The following PRKD1 variants were observed in gnomAD, a reference collection of about 807,000 sequenced individuals.
PRKD1 encodes protein kinase D1.
PRKD1 carries 63 observed loss-of-function variants against 95.9 expected under a neutral mutation model. That is an observed-to-expected ratio of 0.66 (90% CI 0.54 to 0.81). The LOEUF is 0.81. Ranked by LOEUF, PRKD1 falls within the 30% of genes least tolerant of loss-of-function variation. The probability of loss-of-function intolerance (pLI) is 0.00; values close to 1 mark genes in which losing one functional copy is unlikely to be tolerated. For synonymous variants in PRKD1, 425 were observed against 423.1 expected (o/e 1.00, Z -0.05); for missense variants, 1,048 against 1,165.3 (o/e 0.90, Z 1.47).
At chr14:29,832,071 C>G (rs774614619) in intron 1 of PRKD1, among the ~76,000 whole-genome samples, 2 of 152,262 alleles carry the variant, frequency 1.3e-5, no homozygotes, top group South Asian at 4.1e-4. Flanking sequence ...CACACATCTC[C>G]TTAGGCTTAT....
chr14:29,774,290 T>G (rs1431251601), intron 1 of PRKD1, among the ~76,000 whole-genome samples: 1 of 152,128 alleles, frequency 6.6e-6, no homozygotes, highest in Non-Finnish European at 1.5e-5. Flanking sequence ...AGAAATAATT[T>G]TATGGCTTTT....
chr14:29,838,628 T>C (rs1408203636), intron 1 of PRKD1, among the ~76,000 whole-genome samples: 2 of 152,208 alleles, frequency 1.3e-5, no homozygotes, highest in Non-Finnish European at 2.9e-5. Flanking sequence ...ATCCACATTA[T>C]TCACTGTAAA....
intron 2 of PRKD1, among the ~76,000 whole-genome samples, chr14:29,703,632 A>G (rs1884943862): frequency 6.6e-6 from 1 of 152,196 alleles, no homozygotes; most frequent in African/African-American, 2.4e-5. Context: ...ATGTAGGTAT[A>G]AAGGAAGATG....
In PRKD1 at chr14:29,606,760, A is replaced by G. The variant is rs140612031; in HGVS notation, c.1906-6943T>C. Among the ~76,000 whole-genome samples, 91 of 152,344 alleles carry G rather than the reference A, an allele frequency of 6.0e-4. No homozygotes were observed. In the Middle Eastern group the frequency reaches 0.02, roughly 34 times the overall value. On this transcript the variant is annotated intron_variant, in intron 13 of 17. Coordinates refer to ENST00000331968, the MANE Select transcript of PRKD1 (RefSeq NM_002742.3). ...ATAAAGAATTGAAAATGGGCTATTC[A>G]GATGATAATGACCACTGTACCTCTT...
At chr14:29,854,878 T>C (rs2098323667) in intron 1 of PRKD1, among the ~76,000 whole-genome samples, 1 of 152,214 alleles carries the variant, frequency 6.6e-6, no homozygotes, top group Admixed American at 6.5e-5. Context: ...GCTTGGGCCG[T>C]GGCTTCAGAG....
intron 1 of PRKD1, among the ~76,000 whole-genome samples, chr14:29,850,856 A>G (rs544659104): frequency 1.8e-4 from 27 of 152,096 alleles, no homozygotes; most frequent in African/African-American, 6.3e-4. Flanking sequence ...CAGTAACCAA[A>G]AAAAGCACAG....
At chr14:29,668,795 T>C (rs556481435) in intron 2 of PRKD1, among the ~76,000 whole-genome samples, 27 of 152,330 alleles carry the variant, frequency 1.8e-4, no homozygotes, top group African/African-American at 6.5e-4. Flanking sequence ...GCATAAACTC[T>C]TGCTGGCTAT....
intron 13 of PRKD1, among the ~76,000 whole-genome samples, chr14:29,617,747 T>C (rs1203717339): frequency 2.0e-5 from 3 of 152,150 alleles, no homozygotes; most frequent in South Asian, 4.1e-4. Flanking sequence ...AAATATATCA[T>C]ACTAGTGTTA....
intron 1 of PRKD1, among the ~76,000 whole-genome samples, chr14:29,908,468 G>C (rs183858986): frequency 6.6e-6 from 1 of 151,818 alleles, no homozygotes; most frequent in African/African-American, 2.4e-5. Context: ...TAATTTTTCC[G>C]TAGAGACGGG....
chr14:29,790,856 G>A (rs1410463722), intron 1 of PRKD1, among the ~76,000 whole-genome samples: 1 of 152,092 alleles, frequency 6.6e-6, no homozygotes, highest in Non-Finnish European at 1.5e-5. Flanking sequence ...TACTAATTAT[G>A]TAATTCATTA....
At chr14:29,603,458 T>A (rs888219370) in intron 13 of PRKD1, among the ~76,000 whole-genome samples, 7 of 152,188 alleles carry the variant, frequency 4.6e-5, no homozygotes, top group Admixed American at 3.9e-4. Context: ...TATACTGCAC[T>A]GATAAGAATA....
intron 2 of PRKD1, among the ~76,000 whole-genome samples, chr14:29,679,499 G>A (rs1883411597): frequency 6.6e-6 from 1 of 152,054 alleles, no homozygotes; most frequent in Admixed American, 6.6e-5. Context: ...AAAACAAAGT[G>A]GAATTCATAT....
At chr14:29,689,088 GCAA>G (rs1884072976) in intron 2 of PRKD1, among the ~76,000 whole-genome samples, 1 of 151,486 alleles carries the variant, frequency 6.6e-6, no homozygotes, top group Non-Finnish European at 1.5e-5. Context: ...AAAAGCAATT[GCAA>G]CAAAAGCCAA....
At chr14:29,701,643 AC>A (rs1566548448) in intron 2 of PRKD1, among the ~76,000 whole-genome samples, 2 of 152,142 alleles carry the variant, frequency 1.3e-5, no homozygotes, top group African/African-American at 4.8e-5. Context: ...GGTAGTCAAT[AC>A]TTTTTCTTTT....
intron 11 of PRKD1, among the ~76,000 whole-genome samples, chr14:29,628,035 A>G (rs1360163662): frequency 6.6e-6 from 1 of 152,208 alleles, no homozygotes; most frequent in Non-Finnish European, 1.5e-5. Flanking sequence ...AGAGGCTTAT[A>G]GAGTAACTTG....
At chr14:29,580,417 G>A (rs933979473) in intron 16 of PRKD1, among the ~76,000 whole-genome samples, 9 of 152,094 alleles carry the variant, frequency 5.9e-5, no homozygotes, top group Admixed American at 1.3e-4. Flanking sequence ...AAATGGTTAA[G>A]GATATAAGGA....
At chr14:29,607,366 C>G (rs1423578439) in intron 13 of PRKD1, among the ~76,000 whole-genome samples, 2 of 152,098 alleles carry the variant, frequency 1.3e-5, no homozygotes, top group African/African-American at 4.8e-5. Context: ...TTCTGTAGGT[C>G]AGAAGTCTGG....
intron 1 of PRKD1, among the ~76,000 whole-genome samples, chr14:29,736,127 C>CG (rs1437125760): frequency 6.6e-6 from 1 of 152,164 alleles, no homozygotes; most frequent in Non-Finnish European, 1.5e-5. Context: ...TAGACCCCTA[C>CG]GAAGTAGGTC....
chr14:29,724,953 G>A (rs552785936), intron 2 of PRKD1, among the ~76,000 whole-genome samples: 2 of 152,216 alleles, frequency 1.3e-5, no homozygotes, highest in Admixed American at 1.3e-4. Context: ...ATTACTAACT[G>A]CTAAATCCTA....
Sources: gnomAD v4.1 joint callset for allele counts (sites outside exome capture counted in the v4.1 genomes callset) on GRCh38, gnomAD v4.1.1 for gene constraint, MANE v1.5 for transcripts, NCBI Gene and HGNC (gene_info 2026-07-23, HGNC 2026-07-21) for gene names.